The following NEXN variants were observed in gnomAD, a reference collection of about 807,000 sequenced individuals.
NEXN encodes the protein nexilin F-actin binding protein, also known as nexilin.
NEXN carries 65 observed loss-of-function variants against 92.6 expected under a neutral mutation model. The ratio of observed to expected loss-of-function variants is 0.70; its 90% CI spans 0.57 to 0.86. The LOEUF is 0.86. Among genes scored for constraint, NEXN ranks in the 40% least tolerant of loss-of-function variants. The pLI is 0.00. For missense variants in NEXN, 778 were observed against 771.1 expected (o/e 1.01, Z -0.11); for synonymous variants, 254 against 242.5 (o/e 1.05, Z -0.44).
At chr1:77,894,418 A>AT (rs1647176034) in intron 1 of NEXN, among the ~76,000 whole-genome samples, 2 of 151,972 alleles carry the variant, frequency 1.3e-5, no homozygotes, top group South Asian at 4.2e-4. Context: ...TTTTTTGGAC[A>AT]TTTTATAGTA....
intron 5 of NEXN, among the ~76,000 whole-genome samples, chr1:77,919,834 A>T (rs1321495479): frequency 5.3e-5 from 8 of 151,896 alleles, no homozygotes. Context: ...TCCTGACCTC[A>T]GGTGATCTAC....
chr1:77,940,159 C>T (rs2102170974), intron 11 of NEXN, among the ~76,000 whole-genome samples: 1 of 152,310 alleles, frequency 6.6e-6, no homozygotes, highest in Middle Eastern at 3.4e-3. Context: ...TCCATCCCAG[C>T]TCCTGTAGCA....
intron 1 of NEXN, among the ~76,000 whole-genome samples, chr1:77,904,263 G>A (rs1647936235): frequency 6.6e-6 from 1 of 152,072 alleles, no homozygotes; most frequent in African/African-American, 2.4e-5. Context: ...AAAATGCTGG[G>A]ATTACAGGCA....
intron 5 of NEXN, among the ~76,000 whole-genome samples, chr1:77,923,962 CA>C (rs1649646037): frequency 1.3e-5 from 2 of 152,080 alleles, no homozygotes; most frequent in Admixed American, 1.3e-4. Context: ...AGGCGTGAGC[CA>C]TTGTGCCTGG....
intron 1 of NEXN, among the ~76,000 whole-genome samples, chr1:77,915,639 A>AAAAC (rs1007478333): frequency 2.0e-5 from 3 of 152,254 alleles, no homozygotes; most frequent in African/African-American, 7.2e-5. Flanking sequence ...AAACAAAAAC[A>AAAAC]AAAACAAAAC....
Position 77,939,606 on chromosome 1 carries a change from G to C in NEXN, c.1474-2417G>C, listed in dbSNP as rs1164783760. On this transcript the variant is annotated intron_variant, in intron 11 of 12. Transcript: ENST00000334785. ...GTAGGTAATAACAAAAATAAGATAG[G>C]TGACTTCTTGTTTTTGCTATTACTG... 3.3e-5 allele frequency among the ~76,000 whole-genome samples: 5 copies of C among 152,216 alleles called. No individual in the cohort carries two copies. The South Asian group carries it at 1.0e-3, about 32-fold the overall frequency.
rs762488546 is a variant in NEXN, at chr1:77,926,564, G to A, written c.640G>A (p.Glu214Lys). The change falls in exon 7 of 13, where the codon GAA (glutamate) becomes AAA (lysine). Residue 214 changes from glutamate to lysine, a missense_variant. Coordinates refer to ENST00000334785, the MANE Select transcript of NEXN (RefSeq NM_144573.4). Reference protein sequence around the residue: ...YEEDKRIRYEEQRPSLKEAKC... With the variant: ...YEEDKRIRYEKQRPSLKEAKC... ...GGAAGATAAAAGAATAAGATATGAA[G>A]AACAACGACCATCTCTCAAGGAAGC... 2 of 1,613,538 alleles carry A rather than the reference G, an allele frequency of 1.2e-6. No individual in the cohort carries two copies. The highest frequency in any genetic ancestry group is 2.2e-5 in the South Asian group (2 of 91,058).
In NEXN at chr1:77,925,375, G is replaced by A. The variant is rs977603377; in HGVS notation, c.489+146G>A. 103 of 689,628 alleles carry A rather than the reference G, an allele frequency of 1.5e-4. No individual in the cohort carries two copies. The African/African-American group carries it at 1.8e-3, about 12-fold the overall frequency. 42.7% of individuals were successfully genotyped at this position (689,628 alleles called of 1,614,324 possible). A position where few individuals can be genotyped will look rare whatever the true frequency, so the allele number is the denominator to read the frequency against. On this transcript the variant is annotated intron_variant, in intron 6 of 12. Coordinates refer to ENST00000334785, the MANE Select transcript of NEXN (RefSeq NM_144573.4). Reference sequence around the variant, plus strand: ...CAAAAAAGTATGTTTTGCAAAGCAAGAGCATACTTTTGCACTTTCAAACAC... The same window carrying A: ...CAAAAAAGTATGTTTTGCAAAGCAAAAGCATACTTTTGCACTTTCAAACAC...
At chr1:77,915,239 G>A (rs997416020) in intron 1 of NEXN, among the ~76,000 whole-genome samples, 4 of 152,112 alleles carry the variant, frequency 2.6e-5, no homozygotes, top group Non-Finnish European at 4.4e-5. Context: ...CTTGAGCCCA[G>A]GAGTTCAAGG....
Position 77,895,100 on chromosome 1 carries a change from A to G in NEXN, c.-53+6341A>G, listed in dbSNP as rs1647200550. Among the ~76,000 whole-genome samples the G allele has an allele frequency of 4.2e-5, 5 of 119,516 alleles. No homozygotes were observed. In the South Asian group the frequency reaches 1.4e-3, roughly 33 times the overall value. The allele number at this position is 119,516 out of a possible 152,430, so 78.4% of individuals were successfully genotyped here. On this transcript the variant is annotated intron_variant, in intron 1 of 12. Transcript: ENST00000334785. ...CATTCTGTTGCCTAGGCTGGAGTGC[A>G]GTGGCACAATCTCAGCTCACTGCAA... is the stretch of plus-strand genomic sequence containing the variant.
intron 1 of NEXN, among the ~76,000 whole-genome samples, 194 bp from the exon 2 acceptor site, chr1:77,915,860 CT>C (rs1273434641): frequency 6.6e-6 from 1 of 152,068 alleles, no homozygotes; most frequent in African/African-American, 2.4e-5. Flanking sequence ...TTTCAGGGAT[CT>C]TTTACCATCA....
At chr1:77,928,652 A>G (rs539727431) in intron 8 of NEXN, among the ~76,000 whole-genome samples, 27 of 152,176 alleles carry the variant, frequency 1.8e-4, no homozygotes, top group African/African-American at 6.5e-4. Context: ...TCTGATTAGT[A>G]TAAGGTACCA....
chr1:77,914,726 G>T (rs962097846), intron 1 of NEXN, among the ~76,000 whole-genome samples: 3 of 151,738 alleles, frequency 2.0e-5, no homozygotes, highest in Non-Finnish European at 4.4e-5. Flanking sequence ...GTGTGGTGGT[G>T]GGAGCCTGTA....
At chr1:77,933,720 A>G (rs1650500438) in intron 10 of NEXN, among the ~76,000 whole-genome samples, 1 of 152,122 alleles carries the variant, frequency 6.6e-6, no homozygotes, top group Non-Finnish European at 1.5e-5. Flanking sequence ...AGCTATTACT[A>G]TTTATTTATA....
chr1:77,891,064 T>G (rs905543598), intron 1 of NEXN, among the ~76,000 whole-genome samples: 24 of 152,232 alleles, frequency 1.6e-4, no homozygotes, highest in African/African-American at 5.8e-4. Flanking sequence ...CATAGTTACA[T>G]ATTATATACA....
chr1:77,916,399 T>A (rs1313002384), intron 2 of NEXN, among the ~76,000 whole-genome samples: 1 of 152,158 alleles, frequency 6.6e-6, no homozygotes, highest in Non-Finnish European at 1.5e-5. Context: ...GCATTCTGAG[T>A]AGAATTTTAA....
chr1:77,895,653 C>T (rs146462943), intron 1 of NEXN, among the ~76,000 whole-genome samples: 110 of 152,104 alleles, frequency 7.2e-4, no homozygotes, highest in African/African-American at 2.5e-3. Context: ...CTCTTGAGGC[C>T]AGGAGTTAGA....
At chr1:77,915,432 A>G (rs1335362707) in intron 1 of NEXN, among the ~76,000 whole-genome samples, 1 of 152,180 alleles carries the variant, frequency 6.6e-6, no homozygotes, top group East Asian at 1.9e-4. Context: ...GATTGAGACC[A>G]TCCTGGCTAA....
In NEXN at chr1:77,916,100, A is replaced by G. The variant is rs1156558155; in HGVS notation, c.-7A>G. ...TCATAATCAGCCCAAGACCACATAG[A>G]GCAAACATGAATGATATTTCCCAAA... On this transcript the variant is annotated 5_prime_UTR_variant, in exon 2 of 13. Transcript: ENST00000334785. 1.9e-6 allele frequency: 3 copies of G among 1,606,852 alleles called. No homozygotes were observed. The highest frequency in any genetic ancestry group is 2.6e-6 in the Non-Finnish European group (3 of 1,175,778).
Sources: gnomAD v4.1 joint callset for allele counts (sites outside exome capture counted in the v4.1 genomes callset) on GRCh38, gnomAD v4.1.1 for gene constraint, MANE v1.5 for transcripts, NCBI Gene and HGNC (gene_info 2026-07-23, HGNC 2026-07-21) for gene names.